PRELID2: variants seen among roughly 807,000 people sequenced by gnomAD.
The protein encoded by PRELID2 is PRELI domain-containing protein 2.
In PRELID2, 25 loss-of-function variants were observed where a neutral mutation model predicts 28.4. That is an observed-to-expected ratio of 0.88 (90% CI 0.64 to 1.23). The LOEUF is 1.23. Ranked by LOEUF, PRELID2 falls within the 50% of genes most tolerant of loss-of-function variation. The pLI, the probability that PRELID2 is intolerant of heterozygous loss-of-function variation, is 0.00. For synonymous variants in PRELID2, 76 were observed against 71.6 expected, an observed-to-expected ratio of 1.06 and a Z score of -0.31; for missense variants, 201 against 214.4, an observed-to-expected ratio of 0.94 and a Z score of 0.39.
chr5:145,811,082 CAAAAAAAAAAAAAAAAAAA>C (rs56978118), intron 4 of PRELID2, among the ~76,000 whole-genome samples: 13 of 26,730 alleles, frequency 4.9e-4, no homozygotes, highest in Admixed American at 1.6e-3. Flanking sequence ...TGGCAGCAGG[CAAAAAAAAAAAAAAAAAAA>C]AAAAAAAAAA....
the PRELID2 span, among the ~76,000 whole-genome samples, chr5:145,237,596 T>C: frequency 6.6e-6 from 1 of 152,192 alleles, no homozygotes; most frequent in African/African-American, 2.4e-5. Flanking sequence ...AGCCGACTTC[T>C]CCCACCCTTG....
chr5:145,379,398 G>A, the PRELID2 span, among the ~76,000 whole-genome samples: 1 of 152,174 alleles, frequency 6.6e-6, no homozygotes, highest in Non-Finnish European at 1.5e-5. Flanking sequence ...AATAAGGGGT[G>A]AGGGGCTCCT....
At chr5:145,447,450 G>C in the PRELID2 span, among the ~76,000 whole-genome samples, 1 of 134,870 alleles carries the variant, frequency 7.4e-6, no homozygotes, top group Non-Finnish European at 1.6e-5. Context: ...TTTTTTTTTT[G>C]GTTAGAACAC....
chr5:145,791,351 C>G (rs1752380940), intron 5 of PRELID2, among the ~76,000 whole-genome samples: 1 of 152,016 alleles, frequency 6.6e-6, no homozygotes. Context: ...GGTGACTAGA[C>G]AAACAAAATG....
intron 1 of PRELID2, among the ~76,000 whole-genome samples, chr5:145,531,605 T>C (rs1752655711): frequency 6.6e-6 from 1 of 152,170 alleles, no homozygotes; most frequent in African/African-American, 2.4e-5. Context: ...GGAAGGCCCA[T>C]TGCTCGTTAA....
the PRELID2 span, among the ~76,000 whole-genome samples, chr5:145,372,347 G>A: frequency 6.6e-6 from 1 of 152,066 alleles, no homozygotes; most frequent in Non-Finnish European, 1.5e-5. Flanking sequence ...CATTTGCTGA[G>A]GAGTGTTTTA....
At chr5:145,706,837 T>C (rs952586507) in intron 1 of PRELID2, among the ~76,000 whole-genome samples, 6 of 152,234 alleles carry the variant, frequency 3.9e-5, no homozygotes, top group Non-Finnish European at 1.5e-5. Context: ...CTCAGTGTCT[T>C]AATGAAGATC....
intron 1 of PRELID2, among the ~76,000 whole-genome samples, chr5:145,646,197 A>G (rs903855489): frequency 6.6e-6 from 1 of 152,108 alleles, no homozygotes; most frequent in East Asian, 1.9e-4. Flanking sequence ...GTCTTTTCAC[A>G]TAGTCTCATA....
intron 4 of PRELID2, among the ~76,000 whole-genome samples, chr5:145,805,058 T>G (rs1395651437): frequency 1.3e-5 from 2 of 152,206 alleles, no homozygotes; most frequent in Non-Finnish European, 2.9e-5. Flanking sequence ...GTATCATAAT[T>G]TTTAATACCA....
intron 1 of PRELID2, among the ~76,000 whole-genome samples, chr5:145,721,301 G>T (rs558767024): frequency 6.6e-6 from 1 of 152,072 alleles, no homozygotes; most frequent in African/African-American, 2.4e-5. Flanking sequence ...CCATGAAAGC[G>T]TTTCAAGGAT....
chr5:145,498,986 T>C (rs1462581476), intron 1 of PRELID2, among the ~76,000 whole-genome samples: 1 of 151,914 alleles, frequency 6.6e-6, no homozygotes, highest in Non-Finnish European at 1.5e-5. Flanking sequence ...AAAGACAAAA[T>C]ATAAATAGAA....
At chr5:145,547,775 T>C (rs749112478) in intron 1 of PRELID2, among the ~76,000 whole-genome samples, 60 of 152,346 alleles carry the variant, frequency 3.9e-4, no homozygotes, top group Non-Finnish European at 7.1e-4. Context: ...GGTTTGGCTT[T>C]ATCATTGCTT....
At chr5:145,760,565 A>G (rs1161434424) in intron 6 of PRELID2, 40 bp from the exon 7 acceptor site, 2 of 152,166 alleles carry the variant, frequency 1.3e-5, no homozygotes, top group African/African-American at 2.4e-5. Context: ...CCTCATAAAC[A>G]TGTCTCACCA....
At chr5:145,513,759 C>G (rs1293509575) in intron 1 of PRELID2, among the ~76,000 whole-genome samples, 1 of 152,168 alleles carries the variant, frequency 6.6e-6, no homozygotes, top group Non-Finnish European at 1.5e-5. Flanking sequence ...TGTCGGGTTA[C>G]TCACAAAGGG....
At chr5:145,566,452 C>T (rs771245323) in intron 1 of PRELID2, among the ~76,000 whole-genome samples, 1 of 150,200 alleles carries the variant, frequency 6.7e-6, no homozygotes, top group African/African-American at 2.5e-5. Flanking sequence ...TAAAGAGACA[C>T]AAAAATGAAA....
At chr5:145,252,009 T>G in the PRELID2 span, among the ~76,000 whole-genome samples, 1 of 152,238 alleles carries the variant, frequency 6.6e-6, no homozygotes, top group South Asian at 2.1e-4. Flanking sequence ...AGCTAACCAA[T>G]TAACTATGCA....
chr5:145,485,867 C>G (rs952477852), intron 1 of PRELID2, among the ~76,000 whole-genome samples: 1 of 152,112 alleles, frequency 6.6e-6, no homozygotes, highest in Non-Finnish European at 1.5e-5. Context: ...GTATTAAATG[C>G]CTACTGAGAT....
intron 1 of PRELID2, among the ~76,000 whole-genome samples, chr5:145,549,291 G>A (rs1347909407): frequency 6.6e-6 from 1 of 151,978 alleles, no homozygotes. Context: ...ATAGTTTCTG[G>A]GACAAAGAGG....
intron 1 of PRELID2, among the ~76,000 whole-genome samples, chr5:145,617,793 G>A (rs1753720387): frequency 6.6e-6 from 1 of 151,318 alleles, no homozygotes; most frequent in Non-Finnish European, 1.5e-5. Flanking sequence ...GAGTGAAATG[G>A]CGCTATCTTT....
Sources: gnomAD v4.1 joint callset for allele counts (sites outside exome capture counted in the v4.1 genomes callset) on GRCh38, gnomAD v4.1.1 for gene constraint, MANE v1.5 for transcripts, NCBI Gene and HGNC (gene_info 2026-07-23, HGNC 2026-07-21) for gene names.